The following PDZD9 variants were observed in gnomAD, a reference collection of about 807,000 sequenced individuals.
PDZD9 encodes PDZ domain containing 9.
Under a neutral mutation model 16.3 loss-of-function variants are expected in PDZD9, and 13 were observed. The ratio of observed to expected loss-of-function variants is 0.80; its 90% CI spans 0.52 to 1.27. PDZD9 has a LOEUF of 1.27. PDZD9 is among the 50% of genes most tolerant of loss of function. PDZD9 has a pLI of 0.00. For missense variants in PDZD9, 288 were observed against 310.9 expected (o/e 0.93, Z 0.55); for synonymous variants, 120 against 111.0 (o/e 1.08, Z -0.51).
the PDZD9 span, among the ~76,000 whole-genome samples, chr16:21,974,494 T>C: frequency 1.3e-5 from 2 of 152,130 alleles, no homozygotes; most frequent in African/African-American, 4.8e-5. Context: ...TGACCCACAG[T>C]GAAATAACAT....
intron 2 of PDZD9, among the ~76,000 whole-genome samples, chr16:21,995,795 A>T (rs1305778272): frequency 6.6e-6 from 1 of 151,860 alleles, no homozygotes; most frequent in African/African-American, 2.4e-5. Context: ...TTATTTATTT[A>T]TTTATTTAAT....
the PDZD9 span, chr16:21,971,410 T>C: frequency 1.3e-3 from 1,049 of 825,976 alleles, 15 homozygotes; most frequent in East Asian, 0.026. Flanking sequence ...AAGACTCTTA[T>C]TTATTTTGTA....
chr16:21,982,540 G>A (rs1363826529), downstream of PDZD9, among the ~76,000 whole-genome samples: 1 of 152,142 alleles, frequency 6.6e-6, no homozygotes, highest in African/African-American at 2.4e-5. Flanking sequence ...GCTCTTGCTT[G>A]GTTCATTACA....
downstream of PDZD9, chr16:21,980,182 G>A (rs1898684044): frequency 4.5e-6 from 1 of 220,278 alleles, no homozygotes. Flanking sequence ...TGCTGCGACT[G>A]GCCAGTGACA....
downstream of PDZD9, chr16:21,980,834 A>T: frequency 9.8e-7 from 1 of 1,021,696 alleles, no homozygotes; most frequent in Non-Finnish European, 1.4e-6. Flanking sequence ...ATGTGGAGGC[A>T]GGAGGGCTCA....
intron 2 of PDZD9, among the ~76,000 whole-genome samples, chr16:21,994,857 G>T (rs1216776944): frequency 2.0e-5 from 3 of 150,590 alleles, no homozygotes; most frequent in Non-Finnish European, 3.0e-5. Flanking sequence ...TAGAGGTAGG[G>T]TCTCACTCTG....
chr16:21,959,287 C>A, the PDZD9 span: 1 of 187,186 alleles, frequency 5.3e-6, no homozygotes, highest in Non-Finnish European at 1.2e-5. Flanking sequence ...CAAACCTTAC[C>A]ACTTTTTTAT....
At chr16:21,966,653 T>C in the PDZD9 span, among the ~76,000 whole-genome samples, 1 of 152,246 alleles carries the variant, frequency 6.6e-6, no homozygotes, top group African/African-American at 2.4e-5. Context: ...TTCATTCATA[T>C]GGCACTTTTA....
At chr16:21,986,000 G>A (rs1898868198) in intron 3 of PDZD9, among the ~76,000 whole-genome samples, 1 of 151,794 alleles carries the variant, frequency 6.6e-6, no homozygotes, top group South Asian at 2.1e-4. Context: ...GGAATCCTTG[G>A]CAACTCTGAT....
intron 1 of PDZD9, among the ~76,000 whole-genome samples, chr16:21,998,086 T>C (rs1053612250): frequency 3.3e-5 from 5 of 152,202 alleles, no homozygotes; most frequent in Admixed American, 3.3e-4. Context: ...GATACCATCT[T>C]CAGAGACCTT....
chr16:21,977,371 A>G, the PDZD9 span, among the ~76,000 whole-genome samples: 1 of 151,980 alleles, frequency 6.6e-6, no homozygotes, highest in Admixed American at 6.6e-5. Flanking sequence ...AAAAAAATGT[A>G]TTTCTAAGTC....
At chr16:21,968,422 G>A in the PDZD9 span, 186 of 413,234 alleles carry the variant, frequency 4.5e-4, no homozygotes, top group Non-Finnish European at 6.9e-4. Flanking sequence ...GTGCAACCAT[G>A]ACCACAATTA....
chr16:21,976,917 T>C, the PDZD9 span: 6 of 152,252 alleles, frequency 3.9e-5, no homozygotes, highest in African/African-American at 1.4e-4. Context: ...ACTTGTGCAT[T>C]TTCTGCAGTT....
chr16:21,966,281 C>T, the PDZD9 span, among the ~76,000 whole-genome samples: 2 of 152,166 alleles, frequency 1.3e-5, no homozygotes, highest in African/African-American at 2.4e-5. Context: ...GTTCCATCCT[C>T]GCTCACTCAT....
At chr16:21,989,519 T>C (rs534143080) in intron 2 of PDZD9, among the ~76,000 whole-genome samples, 2 of 152,342 alleles carry the variant, frequency 1.3e-5, no homozygotes, top group East Asian at 3.9e-4. Flanking sequence ...CTTTCTATTA[T>C]ACCTGCCTGG....
the PDZD9 span, chr16:21,963,052 G>A: frequency 1.1e-4 from 91 of 852,170 alleles, no homozygotes; most frequent in East Asian, 3.9e-4. Flanking sequence ...GCAGTGGCAC[G>A]ATCTTGGCTC....
chr16:21,992,859 G>A (rs1298318154), intron 2 of PDZD9, among the ~76,000 whole-genome samples: 2 of 152,142 alleles, frequency 1.3e-5, no homozygotes, highest in Non-Finnish European at 2.9e-5. Context: ...TGTCATTGCC[G>A]ATTGTAATCC....
intron 2 of PDZD9, among the ~76,000 whole-genome samples, chr16:21,989,131 C>G (rs998974549): frequency 1.3e-5 from 2 of 151,624 alleles, no homozygotes; most frequent in Non-Finnish European, 2.9e-5. Context: ...TGGGGTTTCA[C>G]CATGTTGGCC....
the PDZD9 span, chr16:21,971,816 G>T: frequency 6.0e-6 from 9 of 1,508,708 alleles, no homozygotes; most frequent in South Asian, 7.0e-5. Context: ...GCACCGAGCT[G>T]CAGAAAAGAC....
Sources: gnomAD v4.1 joint callset for allele counts (sites outside exome capture counted in the v4.1 genomes callset) on GRCh38, gnomAD v4.1.1 for gene constraint, MANE v1.5 for transcripts, NCBI Gene and HGNC (gene_info 2026-07-23, HGNC 2026-07-21) for gene names.